Variants in BNC2 observed in about 807,000 individuals in gnomAD.
BNC2 encodes the protein basonuclin zinc finger protein 2.
In BNC2, 20 loss-of-function variants were observed where a neutral mutation model predicts 76.3. The ratio of observed to expected loss-of-function variants is 0.26; its 90% CI spans 0.18 to 0.38. The LOEUF (loss-of-function observed/expected upper bound fraction) is 0.38, where lower values mean the gene tolerates loss of function less well. Among genes scored for constraint, BNC2 ranks in the 10% least tolerant of loss-of-function variants. BNC2 has a pLI of 1.00. For synonymous variants in BNC2, 582 were observed against 514.8 expected, an observed-to-expected ratio of 1.13 and a Z score of -1.77; for missense variants, 1,382 against 1,399.8, an observed-to-expected ratio of 0.99 and a Z score of 0.20.
At chr9:16,570,746 G>C (rs755235866) in intron 4 of BNC2, among the ~76,000 whole-genome samples, 1 of 152,144 alleles carries the variant, frequency 6.6e-6, no homozygotes, top group African/African-American at 2.4e-5. Flanking sequence ...TTCTCTATTA[G>C]TGGGCTGTTT....
intron 1 of BNC2, among the ~76,000 whole-genome samples, chr9:16,782,695 C>A (rs372006135): frequency 6.6e-6 from 1 of 152,182 alleles, no homozygotes; most frequent in South Asian, 2.1e-4. Flanking sequence ...AGGGGTTCCA[C>A]ACCATTTATC....
chr9:16,755,186 A>T (rs529035837), intron 1 of BNC2, among the ~76,000 whole-genome samples: 1 of 152,356 alleles, frequency 6.6e-6, no homozygotes, highest in East Asian at 1.9e-4. Context: ...AATAAGCAAC[A>T]GTTCAAAAAG....
At chr9:16,813,799 TG>T (rs1447513423) in intron 1 of BNC2, among the ~76,000 whole-genome samples, 2 of 152,204 alleles carry the variant, frequency 1.3e-5, no homozygotes, top group African/African-American at 4.8e-5. Flanking sequence ...TTCACTTGGT[TG>T]GTTTTTTGTT....
At chr9:16,727,070 G>A (rs1051628705) in intron 3 of BNC2, 1 of 152,272 alleles carries the variant, frequency 6.6e-6, no homozygotes, top group African/African-American at 2.4e-5. Flanking sequence ...CCGGGACGGA[G>A]GAGCGGCTCT....
intron 3 of BNC2, among the ~76,000 whole-genome samples, chr9:16,649,293 A>T (rs1208814396): frequency 6.6e-6 from 1 of 152,190 alleles, no homozygotes; most frequent in African/African-American, 2.4e-5. Context: ...TCTGCAGCTG[A>T]CCAATTCTTT....
intron 1 of BNC2, among the ~76,000 whole-genome samples, chr9:16,797,970 G>A (rs532174408): frequency 1.7e-4 from 26 of 152,234 alleles, no homozygotes; most frequent in African/African-American, 3.9e-4. Flanking sequence ...TTAAGTTAAT[G>A]TTTTAGCTCA....
intron 5 of BNC2, among the ~76,000 whole-genome samples, chr9:16,492,938 G>A (rs1195602849): frequency 6.6e-6 from 1 of 151,938 alleles, no homozygotes; most frequent in Non-Finnish European, 1.5e-5. Context: ...GATGAAATTC[G>A]TGATCATTAG....
In BNC2 at chr9:16,518,574, A is replaced by G. The variant is rs552801764; in HGVS notation, c.669+33956T>C. Among the ~76,000 whole-genome samples, 31 of 129,044 alleles carry G rather than the reference A, an allele frequency of 2.4e-4. No individual in the cohort carries two copies. In the East Asian group the frequency reaches 7.6e-3, roughly 32 times the overall value. 84.7% of individuals were successfully genotyped at this position (129,044 alleles called of 152,430 possible). On this transcript the variant is annotated intron_variant, in intron 5 of 6. Transcript: ENST00000380672. The stretch of plus-strand genomic sequence containing the variant: ...GTACAGGTGCAAAAGTCATATATAT[A>G]TATATTTTTTGTTGTTGTTGTTGTT...
chr9:16,694,946 T>C (rs1193789084), intron 3 of BNC2, among the ~76,000 whole-genome samples: 2 of 152,172 alleles, frequency 1.3e-5, no homozygotes, highest in African/African-American at 2.4e-5. Flanking sequence ...TAGTAGTCTG[T>C]ATCAGACAGG....
At chr9:16,601,870 T>C (rs1331594789) in intron 3 of BNC2, among the ~76,000 whole-genome samples, 1 of 152,166 alleles carries the variant, frequency 6.6e-6, no homozygotes, top group Admixed American at 6.5e-5. Context: ...ACCAGGAGTC[T>C]GGTAATATCT....
intron 3 of BNC2, among the ~76,000 whole-genome samples, chr9:16,594,494 T>C (rs1212884455): frequency 1.3e-5 from 2 of 152,138 alleles, no homozygotes; most frequent in Admixed American, 1.3e-4. Context: ...CATAGGTAGG[T>C]GACCTTTTAA....
chr9:16,511,741 C>T (rs1050155354), intron 5 of BNC2, among the ~76,000 whole-genome samples: 6 of 152,002 alleles, frequency 3.9e-5, no homozygotes, highest in South Asian at 2.1e-4. Flanking sequence ...AATAAATATA[C>T]TCTTAACCTA....
chr9:16,591,411 C>T (rs1223353324), intron 3 of BNC2, among the ~76,000 whole-genome samples: 6 of 152,088 alleles, frequency 3.9e-5, no homozygotes, highest in Admixed American at 3.3e-4. Context: ...GAACATGGGT[C>T]AAAAGATCTA....
intron 3 of BNC2, among the ~76,000 whole-genome samples, chr9:16,639,279 CTGTT>C (rs528357091): frequency 5.6e-4 from 85 of 152,236 alleles, no homozygotes; most frequent in African/African-American, 1.8e-3. Context: ...TTATTGGTCT[CTGTT>C]AAGCAATGGA....
intron 1 of BNC2, among the ~76,000 whole-genome samples, chr9:16,804,447 T>C (rs1481266320): frequency 6.6e-6 from 1 of 152,218 alleles, no homozygotes; most frequent in African/African-American, 2.4e-5. Context: ...TAGTATGCTA[T>C]ACTCTATGCA....
chr9:16,822,064 C>T (rs909627746), intron 1 of BNC2, among the ~76,000 whole-genome samples: 4 of 146,542 alleles, frequency 2.7e-5, no homozygotes, highest in South Asian at 4.4e-4. Context: ...CTGCACTCCA[C>T]CCTGGGCGAC....
At chr9:16,529,718 C>G (rs1817918407) in intron 5 of BNC2, among the ~76,000 whole-genome samples, 1 of 152,086 alleles carries the variant, frequency 6.6e-6, no homozygotes, top group African/African-American at 2.4e-5. Context: ...ATTAAATAGA[C>G]TGCTGTAGTT....
At chr9:16,851,034 G>A (rs141782457) in intron 1 of BNC2, among the ~76,000 whole-genome samples, 3 of 151,680 alleles carry the variant, frequency 2.0e-5, no homozygotes, top group Non-Finnish European at 4.4e-5. Context: ...ATCTTCTAGG[G>A]TGACTATTTT....
chr9:16,506,462 T>A (rs1163844192), intron 5 of BNC2, among the ~76,000 whole-genome samples: 1 of 151,430 alleles, frequency 6.6e-6, no homozygotes, highest in African/African-American at 2.4e-5. Flanking sequence ...GTTGAAATTT[T>A]ATCTACCCTT....
Sources: gnomAD v4.1 joint callset for allele counts (sites outside exome capture counted in the v4.1 genomes callset) on GRCh38, gnomAD v4.1.1 for gene constraint, MANE v1.5 for transcripts, NCBI Gene and HGNC (gene_info 2026-07-23, HGNC 2026-07-21) for gene names.